The following ZNG1B variants were observed in gnomAD, a reference collection of about 807,000 sequenced individuals.
The protein encoded by ZNG1B is Zn regulated GTPase metalloprotein activator 1B.
At chr2:113,450,695 A>G in the ZNG1B span, among the ~76,000 whole-genome samples, 3 of 143,840 alleles carry the variant, frequency 2.1e-5, no homozygotes, top group African/African-American at 2.6e-5. Context: ...TGTTCCCTGT[A>G]TGTGTGTGTT....
At chr2:113,453,380 G>A in the ZNG1B span, among the ~76,000 whole-genome samples, 2 of 151,858 alleles carry the variant, frequency 1.3e-5, no homozygotes, top group African/African-American at 2.4e-5. Flanking sequence ...AGCCTCCCGA[G>A]TAGCTGGGAC....
At chr2:113,465,461 A>T in the ZNG1B span, among the ~76,000 whole-genome samples, 1 of 152,062 alleles carries the variant, frequency 6.6e-6, no homozygotes, top group Non-Finnish European at 1.5e-5. Flanking sequence ...AGGGTAACTC[A>T]GTACAGAAAT....
At chr2:113,456,459 T>C in the ZNG1B span, among the ~76,000 whole-genome samples, 3 of 151,806 alleles carry the variant, frequency 2.0e-5, no homozygotes, top group Admixed American at 6.6e-5. Context: ...ATTTTGTTTT[T>C]TTTTTTATTT....
At chr2:113,456,700 C>G in the ZNG1B span, among the ~76,000 whole-genome samples, 3 of 151,992 alleles carry the variant, frequency 2.0e-5, no homozygotes, top group Non-Finnish European at 4.4e-5. Context: ...TATACCTACA[C>G]AAAACTGACA....
chr2:113,438,911 GAAAT>G, the ZNG1B span: 1 of 1,499,504 alleles, frequency 6.7e-7, no homozygotes, highest in Non-Finnish European at 9.0e-7. Context: ...GTAAAAATAA[GAAAT>G]AACTGCTTTT....
chr2:113,441,262 A>G, the ZNG1B span: 1 of 1,400,354 alleles, frequency 7.1e-7, no homozygotes, highest in Non-Finnish European at 9.6e-7. Flanking sequence ...TAGCACGCAA[A>G]TTCTCAAAAA....
chr2:113,444,308 C>T, the ZNG1B span: 4 of 189,132 alleles, frequency 2.1e-5, no homozygotes, highest in Admixed American at 1.1e-4. Flanking sequence ...AAGAGTTACC[C>T]AACACATAGT....
the ZNG1B span, among the ~76,000 whole-genome samples, chr2:113,453,486 C>T: frequency 6.6e-6 from 1 of 151,232 alleles, no homozygotes; most frequent in East Asian, 2.0e-4. Flanking sequence ...CCCCTGACTT[C>T]AGGTGATCCG....
At chr2:113,443,000 G>A in the ZNG1B span, among the ~76,000 whole-genome samples, 18 of 148,886 alleles carry the variant, frequency 1.2e-4, no homozygotes, top group African/African-American at 3.2e-4. Flanking sequence ...ATGGAGTCTC[G>A]CTGTGTTGCC....
At chr2:113,446,977 G>C in the ZNG1B span, among the ~76,000 whole-genome samples, 2 of 149,816 alleles carry the variant, frequency 1.3e-5, no homozygotes, top group Admixed American at 1.3e-4. Context: ...TAAGGGAGGG[G>C]GTCAAGCAAG....
At chr2:113,454,780 T>C in the ZNG1B span, 2 of 1,570,688 alleles carry the variant, frequency 1.3e-6, no homozygotes, top group Non-Finnish European at 1.7e-6. Flanking sequence ...GGATTAAAAG[T>C]AAGTTGAAAG....
chr2:113,486,568 A>C, the ZNG1B span, among the ~76,000 whole-genome samples: 2 of 151,872 alleles, frequency 1.3e-5, no homozygotes, highest in African/African-American at 2.4e-5. Context: ...CAGCCTGGGC[A>C]ACATGGTGAA....
the ZNG1B span, among the ~76,000 whole-genome samples, chr2:113,438,304 G>A: frequency 1.3e-5 from 2 of 152,262 alleles, no homozygotes; most frequent in East Asian, 3.9e-4. Context: ...GATTGTCTCT[G>A]TGACCTCCTA....
chr2:113,464,825 A>AT, the ZNG1B span, among the ~76,000 whole-genome samples: 3 of 151,710 alleles, frequency 2.0e-5, no homozygotes, highest in Admixed American at 6.6e-5. Flanking sequence ...TTTATGAATG[A>AT]TTTTTTCTAA....
At chr2:113,437,902 G>A in the ZNG1B span, 2 of 1,611,992 alleles carry the variant, frequency 1.2e-6, no homozygotes, top group South Asian at 2.2e-5. Flanking sequence ...GGATGAGGAG[G>A]AGGATCCTGC....
chr2:113,468,371 C>T, the ZNG1B span, among the ~76,000 whole-genome samples: 55 of 151,230 alleles, frequency 3.6e-4, no homozygotes, highest in African/African-American at 1.2e-3. Context: ...ATTCCACCCC[C>T]ACCTTGGAGA....
chr2:113,479,536 G>A, the ZNG1B span, among the ~76,000 whole-genome samples: 1 of 152,130 alleles, frequency 6.6e-6, no homozygotes, highest in Non-Finnish European at 1.5e-5. Flanking sequence ...AAGACCCTTT[G>A]TCTTTTGCTA....
chr2:113,478,620 A>G, the ZNG1B span, among the ~76,000 whole-genome samples: 1 of 149,694 alleles, frequency 6.7e-6, no homozygotes, highest in South Asian at 2.1e-4. Context: ...CCATGCCCTT[A>G]AAAACTAATT....
the ZNG1B span, among the ~76,000 whole-genome samples, chr2:113,476,807 A>G: frequency 2.0e-5 from 3 of 152,098 alleles, no homozygotes; most frequent in Admixed American, 6.5e-5. Context: ...TCTGCTAGGG[A>G]GTGCCTCCCA....
Sources: allele counts gnomAD v4.1 joint callset (sites outside exome capture counted in the v4.1 genomes callset), GRCh38; gene constraint gnomAD v4.1.1; transcripts MANE v1.5; gene names NCBI Gene and HGNC (gene_info 2026-07-23, HGNC 2026-07-21).